Variants in SI observed in about 807,000 individuals in gnomAD.
SI encodes sucrase-isomaltase.
In SI, 235 loss-of-function variants were observed where a neutral mutation model predicts 253.3. The ratio of observed to expected loss-of-function variants is 0.93; its 90% CI spans 0.83 to 1.03. The LOEUF (loss-of-function observed/expected upper bound fraction) is 1.03. SI is among the 50% of genes least tolerant of loss of function. The probability of loss-of-function intolerance (pLI) is 0.00; values close to 1 mark genes in which losing one functional copy is unlikely to be tolerated. For synonymous variants in SI, 819 were observed against 712.0 expected, an observed-to-expected ratio of 1.15 and a Z score of -2.39; for missense variants, 2,442 against 2,211.1, an observed-to-expected ratio of 1.10 and a Z score of -2.09.
At chr3:165,072,665 C>T (rs1020588966) in intron 3 of SI, among the ~76,000 whole-genome samples, 26 of 151,986 alleles carry the variant, frequency 1.7e-4, no homozygotes, top group African/African-American at 2.7e-4. Flanking sequence ...CTACTGAGTT[C>T]GTGAAACATG....
chr3:165,063,669 G>T, intron 7 of SI, 128 bp from the exon 8 acceptor site: 1 of 537,938 alleles, frequency 1.9e-6, no homozygotes, highest in South Asian at 2.4e-5. Context: ...TACACAAATT[G>T]TCTTCACTAT....
upstream of SI, among the ~76,000 whole-genome samples, chr3:165,080,453 G>A (rs1187965976): frequency 6.6e-6 from 1 of 151,936 alleles, no homozygotes; most frequent in Non-Finnish European, 1.5e-5. Flanking sequence ...ACATGCACAT[G>A]TATGTTTATT....
At position 165,043,073 on chromosome 3, in the gene SI, A is replaced by T. The variant is rs1308971196; in HGVS notation, c.1990T>A (p.Ser664Thr). The T allele has an allele frequency of 6.2e-7, 1 of 1,604,708 alleles. No homozygotes were observed. The highest frequency in any genetic ancestry group is 8.5e-7 in the Non-Finnish European group (1 of 1,171,890). ...AFYPFSRNHNSDGYEHQDPAF... is the reference protein window; with the variant it reads ...AFYPFSRNHNTDGYEHQDPAF... ...GAGGCTCTTACTTCATATCCGTCAG[A>T]ATTATGGTTTCTGGAAAATGGATAA... Residue 664 changes from serine (S) to threonine (T), a missense_variant, in exon 17 of 48, where the codon TCT becomes ACT. Physicochemically the swap from Ser to Thr is moderately conservative, Grantham distance 58. Coordinates refer to ENST00000264382, the MANE Select transcript of SI (RefSeq NM_001041.4).
chr3:165,064,369 C>T (rs982568042), intron 7 of SI, among the ~76,000 whole-genome samples: 1 of 152,014 alleles, frequency 6.6e-6, no homozygotes, highest in Non-Finnish European at 1.5e-5. Flanking sequence ...CAGTCTCACT[C>T]TGGTGTCGAT....
At chr3:165,007,597 TAAC>T (rs1475350634) in intron 36 of SI, among the ~76,000 whole-genome samples, 2 of 151,816 alleles carry the variant, frequency 1.3e-5, no homozygotes, top group Non-Finnish European at 2.9e-5. Context: ...CAAACCAAAA[TAAC>T]AACTTCAAAC....
At chr3:165,040,881 T>C in intron 18 of SI, 59 bp downstream of exon 18, 1 of 1,370,308 alleles carries the variant, frequency 7.3e-7, no homozygotes, top group Non-Finnish European at 1.0e-6. Context: ...TAAACTTTTC[T>C]GTGTATGTTT....
At position 164,987,063 on chromosome 3, in the gene SI, CAAT is replaced by C. The variant is rs1717471352; in HGVS notation, c.5197+72_5197+74del. On this transcript the variant is annotated intron_variant, in intron 45 of 47. Transcript: ENST00000264382. ...AGCTTTGTACTCAGCTTCCAAAGAACAATAATAGATAACGTAAAAGTAATGTGA... is the reference window on the plus strand; with the variant it reads ...AGCTTTGTACTCAGCTTCCAAAGAACAATAGATAACGTAAAAGTAATGTGA... 6 of 1,167,990 alleles carry C rather than the reference CAAT, an allele frequency of 5.1e-6. No homozygotes were observed. In the East Asian group the frequency reaches 1.2e-4, roughly 23 times the overall value. The allele number at this position is 1,167,990 out of a possible 1,614,324, so 72.4% of individuals were successfully genotyped here.
At chr3:165,005,911 CAGA>C (rs1024149981) in intron 37 of SI, among the ~76,000 whole-genome samples, 3 of 151,980 alleles carry the variant, frequency 2.0e-5, no homozygotes, top group Non-Finnish European at 4.4e-5. Context: ...TGTGCCTGGC[CAGA>C]AGATTTCAAT....
intron 3 of SI, among the ~76,000 whole-genome samples, chr3:165,069,607 A>T (rs1445469112): frequency 6.6e-6 from 1 of 152,064 alleles, no homozygotes; most frequent in Non-Finnish European, 1.5e-5. Context: ...CCTTGAATTT[A>T]AACCCACTTA....
chr3:165,025,419 A>G (rs1021640203), intron 25 of SI, among the ~76,000 whole-genome samples: 15 of 151,224 alleles, frequency 9.9e-5, no homozygotes, highest in African/African-American at 3.4e-4. Flanking sequence ...AATTTGGAAA[A>G]CATATTTGAA....
chr3:165,014,528 C>T (rs913749626), intron 33 of SI, among the ~76,000 whole-genome samples: 29 of 152,216 alleles, frequency 1.9e-4, no homozygotes, highest in African/African-American at 5.5e-4. Context: ...GGATTACAGG[C>T]GTGAGCCACC....
rs1576864233 is a variant in SI, at chr3:164,982,410, T to C, written c.5248A>G (p.Thr1750Ala). 3.1e-6 allele frequency: 5 copies of C among 1,605,482 alleles called. 1 individual carries two copies. The South Asian group carries it at 5.5e-5, about 18-fold the overall frequency. ...YLSVQFNLNQ[T>A]TLTSTILKRG... is the part of the protein sequence containing the mutation. ...TTCAATATAGTGCTTGTTAAGGTGG[T>C]CTATAAATAAAGAAAAAGGAATAAC... The change falls in exon 47 of 48, where the codon ACC becomes GCC. Residue 1750 changes from threonine to alanine, a missense_variant and splice_region_variant. Physicochemically the swap from Thr to Ala is moderately conservative, Grantham distance 58 (BLOSUM62 0). Coordinates refer to ENST00000264382, the MANE Select transcript of SI (RefSeq NM_001041.4).
intron 9 of SI, among the ~76,000 whole-genome samples, chr3:165,062,031 A>G (rs967606744): frequency 6.6e-6 from 1 of 152,024 alleles, no homozygotes. Flanking sequence ...GCCTATCCTC[A>G]GTGTTAAATA....
Position 165,021,229 on chromosome 3 carries a change from A to G in SI, c.3254T>C (p.Ile1085Thr). 2.5e-6 allele frequency: 4 copies of G among 1,609,624 alleles called. No homozygotes were observed. Among genetic ancestry groups the G allele is most frequent in the Non-Finnish European group, 3.4e-6 (4 of 1,176,694 alleles). The change falls in exon 27 of 48, where the codon ATT (isoleucine) becomes ACT (threonine). Residue 1085 changes from isoleucine (I) to threonine (T), a missense_variant and splice_region_variant. Ile to Thr is a moderately conservative substitution (Grantham distance 89, BLOSUM62 -1). Coordinates refer to ENST00000264382, the MANE Select transcript of SI (RefSeq NM_001041.4). Reference protein sequence around the residue: ...QIRRRSSGRVIWDSWLPGFAF... With the variant: ...QIRRRSSGRVTWDSWLPGFAF... ...TATATCAAATAATTCAATTACTTACATGACTCTTCCACTGCTTCTCCGTCG... is the reference window on the plus strand; with the variant it reads ...TATATCAAATAATTCAATTACTTACGTGACTCTTCCACTGCTTCTCCGTCG...
At chr3:165,022,076 T>A (rs1339831553) in intron 26 of SI, among the ~76,000 whole-genome samples, 2 of 151,590 alleles carry the variant, frequency 1.3e-5, no homozygotes, top group East Asian at 1.9e-4. Flanking sequence ...TTTTAATGAG[T>A]GTAATTATGT....
chr3:165,001,836 C>T (rs976543535), intron 37 of SI, among the ~76,000 whole-genome samples: 1 of 151,358 alleles, frequency 6.6e-6, no homozygotes, highest in Admixed American at 6.6e-5. Context: ...GAGACCACTT[C>T]CTATAGTTTA....
At chr3:165,013,946 C>T (rs1456272430) in intron 33 of SI, among the ~76,000 whole-genome samples, 1 of 152,028 alleles carries the variant, frequency 6.6e-6, no homozygotes, top group African/African-American at 2.4e-5. Context: ...AGGTTGATCT[C>T]GAACTCCTGG....
chr3:165,022,441 C>T (rs886342297), intron 26 of SI, among the ~76,000 whole-genome samples: 1 of 148,006 alleles, frequency 6.8e-6, no homozygotes, highest in African/African-American at 2.5e-5. Flanking sequence ...AAAACAGACA[C>T]TTTTTTATAT....
At chr3:165,039,246 C>A in intron 19 of SI, 112 bp from the exon 20 acceptor site, 2 of 687,528 alleles carry the variant, frequency 2.9e-6, no homozygotes, top group Non-Finnish European at 5.3e-6. Context: ...TGTTGTTACA[C>A]TCCAATATTT....
Sources: gnomAD v4.1 joint callset for allele counts (sites outside exome capture counted in the v4.1 genomes callset) on GRCh38, gnomAD v4.1.1 for gene constraint, MANE v1.5 for transcripts, NCBI Gene and HGNC (gene_info 2026-07-23, HGNC 2026-07-21) for gene names.